Variants in WWP2 observed in about 807,000 individuals in gnomAD.
The protein encoded by WWP2 is NEDD4-like E3 ubiquitin-protein ligase WWP2.
In WWP2, 57 loss-of-function variants were observed where a neutral mutation model predicts 121.0. The ratio of observed to expected loss-of-function variants is 0.47; its 90% CI spans 0.38 to 0.59. The LOEUF is 0.59. WWP2 is among the 20% of genes least tolerant of loss of function. The probability of loss-of-function intolerance (pLI) is 0.00; values close to 1 mark genes in which losing one functional copy is unlikely to be tolerated. For synonymous variants in WWP2, 449 were observed against 441.3 expected (o/e 1.02, Z -0.22); for missense variants, 962 against 1,158.9 (o/e 0.83, Z 2.47).
At chr16:69,776,186 T>G (rs1339846728) in intron 1 of WWP2, 3 of 152,150 alleles carry the variant, frequency 2.0e-5, no homozygotes, top group African/African-American at 7.2e-5. Flanking sequence ...TTTCTCCCCT[T>G]AGATGAAACA....
chr16:69,793,208 C>G (rs577054187), intron 2 of WWP2, among the ~76,000 whole-genome samples: 1 of 151,998 alleles, frequency 6.6e-6, no homozygotes, highest in African/African-American at 2.4e-5. Context: ...AAAAAATTAG[C>G]TGGGTGTGAT....
intron 10 of WWP2, 111 bp downstream of exon 10, chr16:69,917,994 CA>C (rs759999020): frequency 9.3e-4 from 1,247 of 1,347,418 alleles, no homozygotes; most frequent in Non-Finnish European, 1.1e-3. Context: ...CAGCGTCTGG[CA>C]ACGTCAGTGC....
At chr16:69,906,915 A>G (rs1387855115) in intron 8 of WWP2, among the ~76,000 whole-genome samples, 1 of 152,206 alleles carries the variant, frequency 6.6e-6, no homozygotes, top group Non-Finnish European at 1.5e-5. Flanking sequence ...TAAAAGGATA[A>G]AAACCACAGG....
chr16:69,832,579 T>C (rs998090192), intron 4 of WWP2, among the ~76,000 whole-genome samples: 1 of 152,222 alleles, frequency 6.6e-6, no homozygotes, highest in African/African-American at 2.4e-5. Flanking sequence ...TCTCACTCCA[T>C]CACTCAGTCC....
chr16:69,773,026 G>T (rs758723057), intron 1 of WWP2, among the ~76,000 whole-genome samples: 1 of 152,042 alleles, frequency 6.6e-6, no homozygotes, highest in African/African-American at 2.4e-5. Context: ...AGAGATAAAT[G>T]TATGTGTAGT....
chr16:69,819,804 C>T (rs759716765), intron 4 of WWP2, among the ~76,000 whole-genome samples: 1 of 152,190 alleles, frequency 6.6e-6, no homozygotes, highest in East Asian at 1.9e-4. Flanking sequence ...GTCATGCAGT[C>T]ATTGCCATGA....
chr16:69,933,261 G>C, intron 16 of WWP2: 1 of 395,350 alleles, frequency 2.5e-6, no homozygotes, highest in Non-Finnish European at 5.2e-6. Context: ...ACATCCCCTT[G>C]CTGGTTTAGC....
intron 4 of WWP2, among the ~76,000 whole-genome samples, chr16:69,811,300 A>G (rs547286348): frequency 7.2e-5 from 11 of 151,926 alleles, no homozygotes; most frequent in African/African-American, 2.4e-4. Context: ...TCCCTCCCCA[A>G]TTTTTGTATT....
At chr16:69,906,875 G>A (rs970348092) in intron 8 of WWP2, among the ~76,000 whole-genome samples, 2 of 152,044 alleles carry the variant, frequency 1.3e-5, no homozygotes, top group Admixed American at 1.3e-4. Context: ...GCAAGACTCT[G>A]TCTTTAAAAA....
At chr16:69,846,063 A>AAAAAAAAAAAAAAAAAAAAAAAAAG (rs2057071876) in intron 6 of WWP2, among the ~76,000 whole-genome samples, 1 of 149,594 alleles carries the variant, frequency 6.7e-6, no homozygotes, top group Admixed American at 6.7e-5. Flanking sequence ...AAAAAAAAAA[A>AAAAAAAAAAAAAAAAAAAAAAAAAG]AAAAAAAGAA....
chr16:69,804,359 G>A (rs1445860182), intron 4 of WWP2, among the ~76,000 whole-genome samples: 2 of 152,028 alleles, frequency 1.3e-5, no homozygotes, highest in African/African-American at 4.8e-5. Flanking sequence ...ATCCACATGA[G>A]TTTATTTTTG....
At position 69,937,531 on chromosome 16, in the gene WWP2, C is replaced by T. The variant is rs1057029482; in HGVS notation, c.2239-17C>T. 3.1e-6 allele frequency: 5 copies of T among 1,613,486 alleles called. No homozygotes were observed. Among genetic ancestry groups the T allele is most frequent in the Non-Finnish European group, 4.2e-6 (5 of 1,179,634 alleles). On this transcript the variant is annotated splice_polypyrimidine_tract_variant and intron_variant, in intron 20 of 23. Transcript: ENST00000359154. The surrounding 1 kb of genome is among the most constrained non-coding windows in gnomAD (Gnocchi z 6.6). ...GGGAGGGACCTGCCGGGGATGCTGA[C>T]TGCCGCCTCTCCCCAGCTGATGCTG... is the stretch of plus-strand genomic sequence containing the variant.
At chr16:69,859,944 A>G (rs1199082095) in intron 6 of WWP2, among the ~76,000 whole-genome samples, 1 of 150,732 alleles carries the variant, frequency 6.6e-6, no homozygotes, top group African/African-American at 2.4e-5. Context: ...GACATACTCA[A>G]GGGTGTGGCA....
chr16:69,786,880 C>T (rs2055804346), intron 1 of WWP2, 116 bp from the exon 2 acceptor site: 2 of 854,712 alleles, frequency 2.3e-6, no homozygotes, highest in Non-Finnish European at 3.6e-6. Flanking sequence ...GTTGCAGTTG[C>T]TTGGACGTTT....
intron 4 of WWP2, among the ~76,000 whole-genome samples, chr16:69,838,191 G>A (rs1270396683): frequency 1.3e-5 from 2 of 152,114 alleles, no homozygotes; most frequent in East Asian, 1.9e-4. Flanking sequence ...TTAGGAACTC[G>A]GTAGGTGCCA....
At chr16:69,924,125 A>G (rs1042906926) in intron 10 of WWP2, among the ~76,000 whole-genome samples, 1 of 152,226 alleles carries the variant, frequency 6.6e-6, no homozygotes, top group East Asian at 1.9e-4. Flanking sequence ...TCAAGAGCCT[A>G]TGGTTTCAAG....
intron 1 of WWP2, among the ~76,000 whole-genome samples, chr16:69,777,206 G>GTGTATATACAATATACATATGGAT (rs2055552959): frequency 2.0e-5 from 3 of 151,670 alleles, no homozygotes; most frequent in South Asian, 2.1e-4. Flanking sequence ...TACATATGGA[G>GTGTATATACAATATACATATGGAT]ATATCATATA....
intron 6 of WWP2, among the ~76,000 whole-genome samples, chr16:69,850,247 C>T (rs1432552747): frequency 3.3e-5 from 5 of 151,890 alleles, no homozygotes; most frequent in African/African-American, 7.3e-5. Context: ...ATTAGCCGGG[C>T]GTGGTGGTGT....
chr16:69,874,542 C>A (rs975937648), intron 7 of WWP2, among the ~76,000 whole-genome samples: 3 of 152,014 alleles, frequency 2.0e-5, no homozygotes, highest in African/African-American at 7.3e-5. Context: ...GTTGTCACAA[C>A]CATAAAGTAT....
Sources: allele counts gnomAD v4.1 joint callset (sites outside exome capture counted in the v4.1 genomes callset), GRCh38; gene constraint gnomAD v4.1.1; non-coding constraint Gnocchi (gnomAD v3.1); transcripts MANE v1.5; gene names NCBI Gene and HGNC (gene_info 2026-07-23, HGNC 2026-07-21).